The following EI24 variants were observed in gnomAD, a reference collection of about 807,000 sequenced individuals.
EI24 encodes etoposide-induced protein 2.4 homolog.
A neutral mutation model predicts 48.6 loss-of-function variants in EI24; 21 were observed. That is an observed-to-expected ratio of 0.43 (90% CI 0.31 to 0.62). EI24 has a LOEUF of 0.62. Among genes scored for constraint, EI24 ranks in the 20% least tolerant of loss-of-function variants. The probability of loss-of-function intolerance (pLI) is 0.10; values close to 1 mark genes in which losing one functional copy is unlikely to be tolerated. For synonymous variants in EI24, 114 were observed against 145.5 expected, an observed-to-expected ratio of 0.78 and a Z score of 1.56; for missense variants, 280 against 410.5, an observed-to-expected ratio of 0.68 and a Z score of 2.75.
intron 2 of EI24, 134 bp downstream of exon 2, chr11:125,572,703 T>G: frequency 1.2e-6 from 1 of 804,732 alleles, no homozygotes; most frequent in South Asian, 1.7e-5. Flanking sequence ...AGGTTGTTAT[T>G]CTAGACCACA....
At chr11:125,573,166 A>G (rs1404502669) in intron 2 of EI24, among the ~76,000 whole-genome samples, 1 of 152,044 alleles carries the variant, frequency 6.6e-6, no homozygotes, top group East Asian at 1.9e-4. Flanking sequence ...TTGTCCTCCC[A>G]AAGTGCCGGG....
At chr11:125,575,853 A>T (rs1387863990) in intron 3 of EI24, 7 of 396,886 alleles carry the variant, frequency 1.8e-5, no homozygotes, top group Non-Finnish European at 3.1e-5. Flanking sequence ...CCGTGGTGCA[A>T]TCTCAGCTTA....
At chr11:125,576,193 A>G in intron 3 of EI24, 62 bp from the exon 4 acceptor site, 3 of 1,472,354 alleles carry the variant, frequency 2.0e-6, no homozygotes, top group Non-Finnish European at 2.8e-6. Context: ...AAAATGAACT[A>G]CTGAATGACA....
At chr11:125,579,593 G>A (rs1938906297) in intron 7 of EI24, among the ~76,000 whole-genome samples, 1 of 152,160 alleles carries the variant, frequency 6.6e-6, no homozygotes, top group Non-Finnish European at 1.5e-5. Context: ...CTTGAACCCA[G>A]GAGGCAGAGA....
intron 5 of EI24, chr11:125,577,895 T>A: frequency 1.7e-6 from 1 of 589,096 alleles, no homozygotes; most frequent in Admixed American, 3.0e-5. Flanking sequence ...CTCGTTACCA[T>A]CATGTAAGCA....
At chr11:125,582,700 A>G (rs780577176) in intron 10 of EI24, among the ~76,000 whole-genome samples, 8 of 152,162 alleles carry the variant, frequency 5.3e-5, no homozygotes, top group Non-Finnish European at 8.8e-5. Context: ...CAGTAGTAAA[A>G]TATACTTTAA....
chr11:125,578,993 C>T lies in EI24; in HGVS notation c.486C>T (p.His162=), dbSNP rs373755758. The part of the protein sequence containing the change: ...LAFEVSGRKP[H]PFPSVSKIIA... Reference sequence around the variant, plus strand: ...TTGAGGTATCAGGGAGGAAGCCTCACCCATTCCCTAGTGTCAGCAAAATAA... The same window carrying T: ...TTGAGGTATCAGGGAGGAAGCCTCATCCATTCCCTAGTGTCAGCAAAATAA... The change falls in exon 7 of 11, where the codon CAC becomes CAT. Residue 162 remains histidine (H), a synonymous_variant. Transcript: ENST00000278903. 5 of 1,592,152 alleles carry T rather than the reference C, an allele frequency of 3.1e-6. No homozygotes were observed. The highest frequency in any genetic ancestry group is 3.4e-6 in the Non-Finnish European group (4 of 1,168,344).
At position 125,583,567 on chromosome 11, in the gene EI24, A is replaced by G. The variant is rs1939100210; in HGVS notation, c.907A>G (p.Arg303Gly). The G allele has an allele frequency of 1.2e-6, 2 of 1,611,110 alleles. No homozygotes were observed. The highest frequency in any genetic ancestry group is 1.3e-5 in the African/African-American group (1 of 74,822). ...CTCCTTGGTGGTCTTCTTAAGCAAC[A>G]GACTCTTCCACAAGACAGTCTACCT... ...LFSLVVFLSN[R>G]LFHKTVYLQS... is the part of the protein sequence containing the mutation. Residue 303 changes from arginine (R) to glycine (G), a missense_variant, in exon 11 of 11, where the codon AGA becomes GGA. Physicochemically the swap from Arg to Gly is moderately radical, Grantham distance 125. This residue lies in a region of EI24 where 62 missense variants were observed against 65.1 expected (regional missense o/e 0.95). Transcript: ENST00000278903.
rs748806472 is a variant in EI24 at position 125,580,063 on chromosome 11, G to T, written c.562-30G>T. 33 of 1,548,404 alleles carry T rather than the reference G, an allele frequency of 2.1e-5. No homozygotes were observed. The East Asian group carries it at 6.7e-4, about 32-fold the overall frequency. ...ATGGTGCTAGGTTTCCGAGGCTTTG[G>T]GATTAAGATTTTCCATATTTGTTCT... On this transcript the variant is annotated intron_variant, in intron 7 of 10. Transcript: ENST00000278903.
intron 9 of EI24, among the ~76,000 whole-genome samples, chr11:125,581,537 CTT>C (rs33956827): frequency 7.9e-5 from 4 of 50,744 alleles, no homozygotes; most frequent in Non-Finnish European, 1.4e-4. Flanking sequence ...AGCAATTATT[CTT>C]TTTTTTTTTT....
At chr11:125,575,539 A>G in intron 3 of EI24, 131 bp downstream of exon 3, 4 of 1,064,018 alleles carry the variant, frequency 3.8e-6, no homozygotes, top group South Asian at 1.9e-5. Flanking sequence ...TTTCCCCCCA[A>G]CAACATTGAC....
chr11:125,576,239 A>G lies in EI24; in HGVS notation c.189-16A>G. 4 of 1,611,658 alleles carry G rather than the reference A, an allele frequency of 2.5e-6. No homozygotes were observed. Among genetic ancestry groups the G allele is most frequent in the Non-Finnish European group, 3.4e-6 (4 of 1,178,132 alleles). On this transcript the variant is annotated splice_polypyrimidine_tract_variant and intron_variant, in intron 3 of 10. Transcript: ENST00000278903. ...AACTTATGCTTTATAAACTAAATAC[A>G]TGTGATCTTTTCCAGTGAGCCACGT...
In EI24 at chr11:125,578,856, C is replaced by T. The variant is rs1938865970; in HGVS notation, c.442-93C>T. ...TATTTTTAAATAAGCCTTTTCTTAA[C>T]TGGCAGCTCTAGTGGCGGACTAGTG... On this transcript the variant is annotated intron_variant, in intron 6 of 10. Transcript: ENST00000278903. 25 of 1,405,716 alleles carry T rather than the reference C, an allele frequency of 1.8e-5. No homozygotes were observed. The South Asian group carries it at 3.3e-4, about 18-fold the overall frequency. The allele number at this position is 1,405,716 out of a possible 1,614,324, so 87.1% of individuals were successfully genotyped here.
intron 1 of EI24, among the ~76,000 whole-genome samples, chr11:125,571,499 T>C (rs1938530257): frequency 6.6e-6 from 1 of 152,262 alleles, no homozygotes; most frequent in African/African-American, 2.4e-5. Flanking sequence ...TTTATACATA[T>C]GAACTTTTTT....
intron 4 of EI24, 102 bp downstream of exon 4, chr11:125,576,417 A>T (rs1938748988): frequency 2.9e-6 from 3 of 1,036,762 alleles, no homozygotes; most frequent in African/African-American, 3.2e-5. Context: ...AATAGTTTTC[A>T]TCTGCTGATG....
chr11:125,576,384 T>G, intron 4 of EI24, 69 bp downstream of exon 4: 5 of 1,406,322 alleles, frequency 3.6e-6, no homozygotes, highest in Non-Finnish European at 5.0e-6. Context: ...AGCTATGAAC[T>G]GTTTTCTTGA....
chr11:125,571,079 C>T (rs1938518576), intron 1 of EI24, among the ~76,000 whole-genome samples: 2 of 152,244 alleles, frequency 1.3e-5, no homozygotes, highest in Admixed American at 6.5e-5. Context: ...TGCCTTCCTA[C>T]TGCCATATCC....
intron 3 of EI24, chr11:125,575,850 G>A (rs1195123489): frequency 5.2e-6 from 2 of 383,988 alleles, no homozygotes; most frequent in South Asian, 1.9e-5. Flanking sequence ...TTGCCGTGGT[G>A]CAATCTCAGC....
chr11:125,583,285 C>G (rs1302448814), intron 10 of EI24, among the ~76,000 whole-genome samples: 1 of 152,058 alleles, frequency 6.6e-6, no homozygotes, highest in Non-Finnish European at 1.5e-5. Flanking sequence ...CTCAAGTGAT[C>G]CACCTGCTTC....
Sources: gnomAD v4.1 joint callset for allele counts (sites outside exome capture counted in the v4.1 genomes callset) on GRCh38, gnomAD v4.1.1 for gene constraint, gnomAD v4.1.1 regional missense constraint, MANE v1.5 for transcripts, NCBI Gene and HGNC (gene_info 2026-07-23, HGNC 2026-07-21) for gene names.